Variants in NCAM2 observed in about 807,000 individuals in gnomAD.
NCAM2 encodes neural cell adhesion molecule 2, also known as N-CAM-2.
Under a neutral mutation model 98.1 loss-of-function variants are expected in NCAM2, and 30 were observed. The ratio of observed to expected loss-of-function variants is 0.31; its 90% CI spans 0.23 to 0.41. NCAM2 has a LOEUF of 0.41. Among genes scored for constraint, NCAM2 ranks in the 10% least tolerant of loss-of-function variants. The pLI is 1.00. For synonymous variants in NCAM2, 368 were observed against 342.4 expected (o/e 1.07, Z -0.83); for missense variants, 867 against 1,005.8 (o/e 0.86, Z 1.87).
At position 21,335,489 on chromosome 21, in the gene NCAM2, C is replaced by A; in HGVS notation, c.738-16C>A. 2 of 1,575,264 alleles carry A rather than the reference C, an allele frequency of 1.3e-6. No individual in the cohort carries two copies. The highest frequency in any genetic ancestry group is 1.2e-5 in the South Asian group (1 of 84,174). On this transcript the variant is annotated splice_polypyrimidine_tract_variant and intron_variant, in intron 6 of 17. Coordinates refer to ENST00000400546, the MANE Select transcript of NCAM2 (RefSeq NM_004540.5). ...AAGCCAGATCTGTGAGGATGAACCT[C>A]TTTTTTCTTCTTTAGGAATGGCAAG...
chr21:21,388,971 T>C (rs1179774485), intron 9 of NCAM2, among the ~76,000 whole-genome samples: 2 of 152,226 alleles, frequency 1.3e-5, no homozygotes, highest in Non-Finnish European at 2.9e-5. Flanking sequence ...ATTTAAGGGA[T>C]CCATGCTACA....
In NCAM2 at chr21:21,439,474, G is replaced by A. The variant is rs180900043; in HGVS notation, c.1654+7193G>A. Among the ~76,000 whole-genome samples, 922 of 152,188 alleles carry A rather than the reference G, an allele frequency of 6.1e-3. 12 individuals carry two copies. The highest frequency in any genetic ancestry group is 0.021 in the African/African-American group (882 of 41,540). The stretch of plus-strand genomic sequence containing the variant: ...AAGTTTTTATTTTAATAGAAATCTG[G>A]AGGAAAAAATATTTGTGGTAGAGAA... On this transcript the variant is annotated intron_variant, in intron 12 of 17. Transcript: ENST00000400546.
At chr21:21,213,036 G>A (rs2069724886) in intron 1 of NCAM2, among the ~76,000 whole-genome samples, 1 of 152,088 alleles carries the variant, frequency 6.6e-6, no homozygotes, top group Admixed American at 6.6e-5. Flanking sequence ...CACCACGCCT[G>A]ACCTATCTGT....
intron 5 of NCAM2, among the ~76,000 whole-genome samples, chr21:21,322,671 G>A (rs907340792): frequency 1.3e-5 from 2 of 152,250 alleles, no homozygotes; most frequent in Middle Eastern, 3.4e-3. Context: ...GTGGGTGCCG[G>A]TTAATCTGAA....
chr21:21,249,394 G>A (rs6518096), intron 1 of NCAM2, among the ~76,000 whole-genome samples: 150,993 of 152,288 alleles, frequency 0.99, 74,869 homozygotes, highest in East Asian at 1. Context: ...TGGAACCCCA[G>A]GATACTGAAA....
At chr21:21,308,119 A>G (rs938993525) in intron 5 of NCAM2, among the ~76,000 whole-genome samples, 12 of 151,938 alleles carry the variant, frequency 7.9e-5, no homozygotes, top group African/African-American at 2.9e-4. Context: ...CAAACTTCCA[A>G]TTAGCTCATA....
chr21:21,074,687 A>G (rs754070690), intron 1 of NCAM2, among the ~76,000 whole-genome samples: 6 of 152,174 alleles, frequency 3.9e-5, no homozygotes, highest in Non-Finnish European at 5.9e-5. Flanking sequence ...AGCCATCCCT[A>G]CAATTAGATG....
intron 10 of NCAM2, among the ~76,000 whole-genome samples, chr21:21,416,527 T>G (rs898853015): frequency 7.5e-6 from 1 of 132,594 alleles, no homozygotes; most frequent in Admixed American, 7.6e-5. Flanking sequence ...AGAAAAACAC[T>G]ATCTTTCAAG....
Position 21,130,123 on chromosome 21 carries a change from G to A in NCAM2, c.55+131505G>A, listed in dbSNP as rs941147132. On this transcript the variant is annotated intron_variant, in intron 1 of 17. Transcript: ENST00000400546. The stretch of plus-strand genomic sequence containing the variant: ...GAAAAAAATAAATGTATAAAACAAA[G>A]GCTAACTAGGAATATTATCTAAATA... Among the ~76,000 whole-genome samples the A allele has an allele frequency of 2.6e-5, 4 of 151,984 alleles. No homozygotes were observed. In the East Asian group the frequency reaches 7.7e-4, roughly 29 times the overall value.
intron 1 of NCAM2, among the ~76,000 whole-genome samples, chr21:21,145,729 T>C (rs750866658): frequency 5.9e-5 from 9 of 152,090 alleles, no homozygotes; most frequent in Non-Finnish European, 1.0e-4. Flanking sequence ...TCAGAAGAGA[T>C]TTAGAATACC....
At chr21:21,509,836 A>T (rs233781) in intron 16 of NCAM2, among the ~76,000 whole-genome samples, 5,069 of 152,262 alleles carry the variant, frequency 0.033, 283 homozygotes, top group African/African-American at 0.12. Flanking sequence ...AGGAAATCAT[A>T]CACAAACATA....
chr21:21,239,494 T>A (rs1271002085), intron 1 of NCAM2: 2 of 152,192 alleles, frequency 1.3e-5, no homozygotes, highest in Non-Finnish European at 2.9e-5. Context: ...AATGGTTCAA[T>A]GTTAGGGTGA....
chr21:21,157,866 A>C (rs113031812), intron 1 of NCAM2, among the ~76,000 whole-genome samples: 1 of 152,166 alleles, frequency 6.6e-6, no homozygotes, highest in African/African-American at 2.4e-5. Flanking sequence ...TCCTTTTTGG[A>C]AAGTTCTTTC....
chr21:21,130,086 A>G (rs2826667), intron 1 of NCAM2, among the ~76,000 whole-genome samples: 60,928 of 151,942 alleles, frequency 0.4, 12,263 homozygotes, highest in African/African-American at 0.42. Flanking sequence ...AATTTTAAAT[A>G]AGGAACAATG....
chr21:21,140,343 T>C (rs1158073837), intron 1 of NCAM2, among the ~76,000 whole-genome samples: 1 of 152,154 alleles, frequency 6.6e-6, no homozygotes, highest in Non-Finnish European at 1.5e-5. Context: ...TAATGTTGGC[T>C]AGAGCATCTG....
intron 14 of NCAM2, among the ~76,000 whole-genome samples, chr21:21,473,001 T>TAC (rs35267595): frequency 0.4 from 59,376 of 149,368 alleles, 13,065 homozygotes; most frequent in Non-Finnish European, 0.51. Context: ...CACGCACACA[T>TAC]ACACACACAC....
intron 1 of NCAM2, among the ~76,000 whole-genome samples, chr21:21,138,261 CCA>C (rs1221368656): frequency 1.3e-5 from 2 of 152,074 alleles, no homozygotes; most frequent in African/African-American, 4.8e-5. Context: ...TTGATCTGCC[CCA>C]GACGTTCCAA....
At chr21:21,271,193 G>C (rs1015067547) in intron 1 of NCAM2, among the ~76,000 whole-genome samples, 2 of 152,114 alleles carry the variant, frequency 1.3e-5, no homozygotes, top group African/African-American at 4.8e-5. Flanking sequence ...AATCTAAAAA[G>C]AATGTATTTA....
chr21:21,188,875 C>A lies in NCAM2; in HGVS notation c.56-91703C>A, dbSNP rs114265918. Among the ~76,000 whole-genome samples the A allele has an allele frequency of 3.4e-3, 516 of 152,210 alleles. 6 individuals carry two copies. The highest frequency in any genetic ancestry group is 0.012 in the African/African-American group (493 of 41,540). ...GGTAATTAAAAAATAAATTTTAAAA[C>A]CCTTCAGAGCACAGAACCTTTTCTT... On this transcript the variant is annotated intron_variant, in intron 1 of 17. Coordinates refer to ENST00000400546, the MANE Select transcript of NCAM2 (RefSeq NM_004540.5).
Sources: allele counts gnomAD v4.1 joint callset (sites outside exome capture counted in the v4.1 genomes callset), GRCh38; gene constraint gnomAD v4.1.1; transcripts MANE v1.5; gene names NCBI Gene and HGNC (gene_info 2026-07-23, HGNC 2026-07-21).